The following SH3PXD2A variants were observed in gnomAD, a reference collection of about 807,000 sequenced individuals.
SH3PXD2A encodes SH3 and PX domain-containing protein 2A.
SH3PXD2A carries 32 observed loss-of-function variants against 115.2 expected under a neutral mutation model. The ratio of observed to expected loss-of-function variants is 0.28; its 90% CI spans 0.21 to 0.37. The LOEUF is 0.37. Among genes scored for constraint, SH3PXD2A ranks in the 10% least tolerant of loss-of-function variants. SH3PXD2A has a pLI of 1.00. For synonymous variants in SH3PXD2A, 610 were observed against 629.1 expected, an observed-to-expected ratio of 0.97 and a Z score of 0.45; for missense variants, 1,328 against 1,498.7, an observed-to-expected ratio of 0.89 and a Z score of 1.88.
rs55662054 is a variant in SH3PXD2A at position 103,756,933 on chromosome 10, C to T, written c.229+10161G>A. 1.3e-5 allele frequency among the ~76,000 whole-genome samples: 2 copies of T among 152,198 alleles called. No individual in the cohort carries two copies. Among genetic ancestry groups the T allele is most frequent in the African/African-American group, 2.4e-5 (1 of 41,444 alleles). ...GCCCCTTCTCCAGACTCCACACAGG[C>T]CTTTGAGGCCTAGCACCTTCTTCTG... On this transcript the variant is annotated intron_variant, in intron 3 of 14. Transcript: ENST00000369774. The surrounding 1 kb of genome is among the most constrained non-coding windows in gnomAD (Gnocchi z 4.4).
chr10:103,680,875 A>G (rs2037599516), intron 6 of SH3PXD2A, among the ~76,000 whole-genome samples: 1 of 152,150 alleles, frequency 6.6e-6, no homozygotes, highest in Admixed American at 6.5e-5. Context: ...TACACACACC[A>G]CTTTTCTGTT....
At chr10:103,686,648 C>A (rs748359332) in intron 6 of SH3PXD2A, among the ~76,000 whole-genome samples, 3 of 152,134 alleles carry the variant, frequency 2.0e-5, no homozygotes, top group Admixed American at 2.0e-4. Context: ...ATAACAACCC[C>A]ATTTGACAGG....
chr10:103,753,591 T>C (rs908266098), intron 3 of SH3PXD2A, among the ~76,000 whole-genome samples: 4 of 151,998 alleles, frequency 2.6e-5, no homozygotes, highest in Admixed American at 2.0e-4. Flanking sequence ...CTCTTACTAG[T>C]TGAGTGGCCT....
chr10:103,610,558 G>A (rs1410274697), intron 13 of SH3PXD2A, among the ~76,000 whole-genome samples: 1 of 152,112 alleles, frequency 6.6e-6, no homozygotes, highest in East Asian at 1.9e-4. Context: ...TTTTATGGAG[G>A]GCCTACTCTT....
rs200891786 is a variant in SH3PXD2A, at chr10:103,724,297, C to T, written c.371G>A (p.Arg124Gln). 1.7e-5 allele frequency: 27 copies of T among 1,578,956 alleles called. No individual in the cohort carries two copies. The East Asian group carries it at 2.2e-4, about 13-fold the overall frequency. Residue 124 changes from arginine to glutamine, a missense_variant, in exon 5 of 15, where the codon CGA (arginine) becomes CAA (glutamine). Around this residue, in one of 5 missense-constraint regions of SH3PXD2A, gnomAD observed 90 missense variants for 71.1 expected, o/e 1.27. Transcript: ENST00000369774. ...TTTTGGAGGGTTGACATCCTCGGGTCGAGCCTCGAAGAACCGGAAGACTTC... is the reference window on the plus strand; with the variant it reads ...TTTTGGAGGGTTGACATCCTCGGGTTGAGCCTCGAAGAACCGGAAGACTTC... Reference protein sequence around the residue: ...CDEVFRFFEARPEDVNPPKED... With the variant: ...CDEVFRFFEAQPEDVNPPKED...
rs943010317 is a variant in SH3PXD2A, at chr10:103,674,559, C to A, written c.428-5907G>T. Among the ~76,000 whole-genome samples, 8 of 152,336 alleles carry A rather than the reference C, an allele frequency of 5.3e-5. No homozygotes were observed. The South Asian group carries it at 1.7e-3, about 32-fold the overall frequency. ...GCACCAGGCTGGGCGCGGTGGCTCA[C>A]GCCTGTAATCCTAGTGCTTTGGGAG... On this transcript the variant is annotated intron_variant, in intron 6 of 14. Transcript: ENST00000369774.
intron 8 of SH3PXD2A, among the ~76,000 whole-genome samples, chr10:103,654,774 CA>C: frequency 6.6e-6 from 1 of 152,222 alleles, no homozygotes; most frequent in Non-Finnish European, 1.5e-5. Flanking sequence ...CAATTATCCC[CA>C]TTTTACAGGT....
intron 5 of SH3PXD2A, 89 bp from the exon 6 acceptor site, chr10:103,693,145 G>C (rs2037780046): frequency 8.9e-7 from 1 of 1,127,332 alleles, no homozygotes; most frequent in South Asian, 1.3e-5. Context: ...GGCTGGCTGC[G>C]GTCGGTCCCC....
chr10:103,652,564 G>A lies in SH3PXD2A; in HGVS notation c.604+8419C>T, dbSNP rs541309148. Among the ~76,000 whole-genome samples, 37 of 152,228 alleles carry A rather than the reference G, an allele frequency of 2.4e-4. 1 individual carries two copies. The highest frequency in any genetic ancestry group is 3.8e-4 in the Non-Finnish European group (26 of 68,050). ...CCACAGGATAAGCTGGGGAGAGAAT[G>A]AGGAAGGGGCAATTTCCCAACCCAA... On this transcript the variant is annotated intron_variant, in intron 8 of 14. Coordinates refer to ENST00000369774, the MANE Select transcript of SH3PXD2A (RefSeq NM_001394015.1).
intron 1 of SH3PXD2A, among the ~76,000 whole-genome samples, chr10:103,825,912 C>A (rs1963712): frequency 6.6e-6 from 1 of 151,968 alleles, no homozygotes; most frequent in Non-Finnish European, 1.5e-5. Flanking sequence ...TACAGGCTCC[C>A]GCCACCACGC....
intron 1 of SH3PXD2A, among the ~76,000 whole-genome samples, chr10:103,825,217 A>T (rs1589472483): frequency 6.6e-6 from 1 of 151,696 alleles, no homozygotes; most frequent in Non-Finnish European, 1.5e-5. Flanking sequence ...AACAACCCCA[A>T]CCCTGACACC....
At chr10:103,771,727 T>G (rs1011735819) in intron 2 of SH3PXD2A, among the ~76,000 whole-genome samples, 4 of 143,596 alleles carry the variant, frequency 2.8e-5, no homozygotes, top group Non-Finnish European at 3.0e-5. Context: ...AGAGCGAGAC[T>G]CCGTCAAAAC....
chr10:103,718,607 G>A (rs902238002), intron 5 of SH3PXD2A, among the ~76,000 whole-genome samples: 3 of 152,212 alleles, frequency 2.0e-5, no homozygotes, highest in Non-Finnish European at 4.4e-5. Flanking sequence ...TTCCCCATCT[G>A]CTAAATGGGG....
At chr10:103,622,965 T>A (rs958158014) in intron 9 of SH3PXD2A, among the ~76,000 whole-genome samples, 6 of 152,150 alleles carry the variant, frequency 3.9e-5, no homozygotes, top group Non-Finnish European at 8.8e-5. Context: ...TCCTGCAACA[T>A]CTGAGCTTAT....
chr10:103,715,465 G>A (rs1454199773), intron 5 of SH3PXD2A, among the ~76,000 whole-genome samples: 1 of 152,238 alleles, frequency 6.6e-6, no homozygotes, highest in East Asian at 1.9e-4. Flanking sequence ...GTGAAGGGAG[G>A]CTGCTGTGGA....
chr10:103,634,720 G>A (rs1467892531), intron 8 of SH3PXD2A, among the ~76,000 whole-genome samples: 1 of 152,194 alleles, frequency 6.6e-6, no homozygotes, highest in African/African-American at 2.4e-5. Flanking sequence ...GGGTGTCAAT[G>A]TGTACAGCTG....
chr10:103,725,977 G>A (rs145524330), intron 4 of SH3PXD2A, among the ~76,000 whole-genome samples: 1 of 152,366 alleles, frequency 6.6e-6, no homozygotes, highest in East Asian at 1.9e-4. Context: ...GGTTGGGGGT[G>A]TAGGGTGAGG....
At chr10:103,713,014 C>A (rs973175347) in intron 5 of SH3PXD2A, among the ~76,000 whole-genome samples, 3 of 152,196 alleles carry the variant, frequency 2.0e-5, no homozygotes, top group Non-Finnish European at 4.4e-5. Flanking sequence ...CAAGATAAAC[C>A]ATGCTCAAGG....
chr10:103,781,868 GCA>G (rs1188585475), intron 2 of SH3PXD2A, among the ~76,000 whole-genome samples: 1 of 152,168 alleles, frequency 6.6e-6, no homozygotes, highest in African/African-American at 2.4e-5. Flanking sequence ...CTTGTAGAAA[GCA>G]CACAGAGACA....
Sources: gnomAD v4.1 joint callset for allele counts (sites outside exome capture counted in the v4.1 genomes callset) on GRCh38, gnomAD v4.1.1 for gene constraint, gnomAD v4.1.1 regional missense constraint, Gnocchi (gnomAD v3.1) non-coding constraint, MANE v1.5 for transcripts, NCBI Gene and HGNC (gene_info 2026-07-23, HGNC 2026-07-21) for gene names.